Variants in PKHD1 observed in about 807,000 individuals in gnomAD.
PKHD1 encodes fibrocystin.
In PKHD1, 291 loss-of-function variants were observed where a neutral mutation model predicts 412.0. The ratio of observed to expected loss-of-function variants is 0.71; its 90% CI spans 0.64 to 0.78. PKHD1 has a LOEUF of 0.78. Ranked by LOEUF, PKHD1 falls within the 30% of genes least tolerant of loss-of-function variation. The pLI, the probability that PKHD1 is intolerant of heterozygous loss-of-function variation, is 0.00. For synonymous variants in PKHD1, 1,777 were observed against 1,821.5 expected (o/e 0.98, Z 0.62); for missense variants, 4,825 against 4,950.7 (o/e 0.97, Z 0.76).
At chr6:51,823,992 C>T (rs1020498791) in intron 52 of PKHD1, among the ~76,000 whole-genome samples, 27 of 152,122 alleles carry the variant, frequency 1.8e-4, no homozygotes, top group Admixed American at 1.8e-3. Flanking sequence ...TAGGGGTCAA[C>T]TTAAAACACT....
At chr6:51,751,302 G>T (rs77118691) in intron 57 of PKHD1, among the ~76,000 whole-genome samples, 6,195 of 152,180 alleles carry the variant, frequency 0.041, 367 homozygotes, top group African/African-American at 0.12. Context: ...TACACCTGCA[G>T]ATCCCTTCTT....
intron 37 of PKHD1, among the ~76,000 whole-genome samples, chr6:51,924,521 G>C (rs541441999): frequency 6.6e-6 from 1 of 152,170 alleles, no homozygotes; most frequent in Non-Finnish European, 1.5e-5. Context: ...GTTTTTAAAA[G>C]ATCAACTTGG....
chr6:51,701,155 CT>C (rs1393220317), intron 60 of PKHD1, among the ~76,000 whole-genome samples: 1 of 152,008 alleles, frequency 6.6e-6, no homozygotes, highest in Non-Finnish European at 1.5e-5. Context: ...AAAACATTAA[CT>C]CTGGGTTGTA....
rs991114236 is a variant in PKHD1 at position 51,906,360 on chromosome 6, G to A, written c.6683-20C>T. 15 of 1,603,384 alleles carry A rather than the reference G, an allele frequency of 9.4e-6. No homozygotes were observed. In the Admixed American group the frequency reaches 1.8e-4, roughly 20 times the overall value. On this transcript the variant is annotated intron_variant, in intron 40 of 66. Transcript: ENST00000371117. ...AAGACTCTGAATAGGAAAGAGTAAA[G>A]TAAAAATTAGATATGGCTCCTGAGA... is the stretch of plus-strand genomic sequence containing the variant.
rs1046581470 is a variant in PKHD1, at chr6:51,618,918, C to T, written c.*163G>A. ...TATGAGACATTTTTCAGTCTGTAAG[C>T]ATTTATATGACTGTTTTCCATTTTA... On this transcript the variant is annotated 3_prime_UTR_variant, in exon 67 of 67. Coordinates refer to ENST00000371117, the MANE Select transcript of PKHD1 (RefSeq NM_138694.4). 1 of 702,968 alleles carries T rather than the reference C, an allele frequency of 1.4e-6. No individual in the cohort carries two copies. The highest frequency in any genetic ancestry group is 2.5e-6 in the Non-Finnish European group (1 of 401,178). The allele number at this position is 702,968 out of a possible 1,614,324, so 43.5% of individuals were successfully genotyped here.
chr6:51,659,723 A>G lies in PKHD1; in HGVS notation c.10403T>C (p.Ile3468Thr). 3.1e-6 allele frequency: 5 copies of G among 1,613,864 alleles called. No individual in the cohort carries two copies. Among genetic ancestry groups the G allele is most frequent in the Non-Finnish European group, 4.2e-6 (5 of 1,179,868 alleles). ...TTGATCCATGAAGCAGACTTTGGTGATTTGCCTGATGGGTAAGATAGAATA... is the reference window on the plus strand; with the variant it reads ...TTGATCCATGAAGCAGACTTTGGTGGTTTGCCTGATGGGTAAGATAGAATA... ...TFYSILPIRQ[I>T]TKVCFMDQTP... Residue 3468 changes from isoleucine (I) to threonine (T), a missense_variant, in exon 61 of 67, where the codon ATC becomes ACC. Ile to Thr is a moderately conservative substitution (Grantham distance 89). Transcript: ENST00000371117.
intron 60 of PKHD1, among the ~76,000 whole-genome samples, chr6:51,684,948 A>C (rs1777215222): frequency 6.6e-6 from 1 of 152,144 alleles, no homozygotes; most frequent in Non-Finnish European, 1.5e-5. Context: ...GTTTAGAGAA[A>C]ATCACACACT....
Position 52,086,614 on chromosome 6 carries a change from A to G in PKHD1, c.-85+820T>C, listed in dbSNP as rs540221727. Among the ~76,000 whole-genome samples the G allele has an allele frequency of 3.1e-4, 47 of 152,326 alleles. No individual in the cohort carries two copies. In the South Asian group the frequency reaches 9.5e-3, roughly 31 times the overall value. ...ATTTAATTCAACACTGCAAACATTT[A>G]TTGTATGCCCACTACGTGCTAAGCA... On this transcript the variant is annotated intron_variant, in intron 1 of 66. Coordinates refer to ENST00000371117, the MANE Select transcript of PKHD1 (RefSeq NM_138694.4).
chr6:52,063,588 C>A (rs1445497528), intron 13 of PKHD1, among the ~76,000 whole-genome samples: 3 of 152,056 alleles, frequency 2.0e-5, no homozygotes, highest in Non-Finnish European at 4.4e-5. Flanking sequence ...TACTTTAAAC[C>A]AGGGTTTCTC....
At chr6:51,975,369 G>C (rs964754711) in intron 35 of PKHD1, among the ~76,000 whole-genome samples, 1 of 151,940 alleles carries the variant, frequency 6.6e-6, no homozygotes, top group African/African-American at 2.4e-5. Context: ...CAGGGAATTG[G>C]AGAAAATATT....
intron 35 of PKHD1, among the ~76,000 whole-genome samples, chr6:51,989,945 AAGAAAGGAAGGAAAGAAG>A (rs1796789464): frequency 5.4e-5 from 2 of 36,796 alleles, no homozygotes; most frequent in East Asian, 9.1e-4. Flanking sequence ...AGAAGGAAGG[AAGAAAGGAAGGAAAGAAG>A]GAAGGAAGGA....
chr6:51,726,282 G>A (rs1416200609), intron 60 of PKHD1, among the ~76,000 whole-genome samples: 1 of 152,114 alleles, frequency 6.6e-6, no homozygotes, highest in African/African-American at 2.4e-5. Context: ...GGCCAATCCT[G>A]GCCGTATTTT....
chr6:51,649,015 T>C, intron 62 of PKHD1, 70 bp downstream of exon 62: 1 of 1,451,760 alleles, frequency 6.9e-7, no homozygotes, highest in Non-Finnish European at 9.6e-7. Context: ...GATGACACAC[T>C]CTAAAAGATA....
In PKHD1 at chr6:52,083,166, A is replaced by G. The variant is rs767679183; in HGVS notation, c.130+12T>C. 4.8e-5 allele frequency: 75 copies of G among 1,568,218 alleles called. No homozygotes were observed. The South Asian group carries it at 7.0e-4, about 15-fold the overall frequency. ...ACATAAGAAATGTGCACTTGGTAAAACCCCAACCTACCATCAAAAATGACT... is the reference window on the plus strand; with the variant it reads ...ACATAAGAAATGTGCACTTGGTAAAGCCCCAACCTACCATCAAAAATGACT... On this transcript the variant is annotated intron_variant, in intron 3 of 66. Transcript: ENST00000371117.
At chr6:51,729,117 T>C (rs79367472) in intron 60 of PKHD1, among the ~76,000 whole-genome samples, 3,977 of 152,348 alleles carry the variant, frequency 0.026, 174 homozygotes, top group African/African-American at 0.088. Flanking sequence ...GAAGAGATTA[T>C]TATTCATAGC....
chr6:51,930,139 GGT>G (rs1786341658), intron 37 of PKHD1, among the ~76,000 whole-genome samples: 1 of 152,162 alleles, frequency 6.6e-6, no homozygotes, highest in Non-Finnish European at 1.5e-5. Flanking sequence ...AGTTTGGAGT[GGT>G]GAACCTGGAT....
At chr6:51,880,779 T>TAAAAAAA (rs71544105) in intron 46 of PKHD1, among the ~76,000 whole-genome samples, 9 of 30,034 alleles carry the variant, frequency 3.0e-4, no homozygotes, top group Non-Finnish European at 4.2e-4. Flanking sequence ...AAAAAAAAAT[T>TAAAAAAA]AAAAAAAAAA....
chr6:52,053,877 G>C (rs570565315), intron 20 of PKHD1, among the ~76,000 whole-genome samples, 161 bp downstream of exon 20: 2 of 152,256 alleles, frequency 1.3e-5, no homozygotes, highest in African/African-American at 2.4e-5. Context: ...AACTGCTCTG[G>C]AGTCAAACTT....
chr6:51,761,714 T>G lies in PKHD1; in HGVS notation c.8643-6776A>C, dbSNP rs544565028. Among the ~76,000 whole-genome samples, 7 of 152,114 alleles carry G rather than the reference T, an allele frequency of 4.6e-5. No individual in the cohort carries two copies. In the East Asian group the frequency reaches 1.4e-3, roughly 29 times the overall value. ...GTTGTACAGCATAAATACATAAAAT[T>G]TTTACTTGTCAATTAAAAAATAAAA... On this transcript the variant is annotated intron_variant, in intron 55 of 66. Coordinates refer to ENST00000371117, the MANE Select transcript of PKHD1 (RefSeq NM_138694.4).
Sources: allele counts gnomAD v4.1 joint callset (sites outside exome capture counted in the v4.1 genomes callset), GRCh38; gene constraint gnomAD v4.1.1; transcripts MANE v1.5; gene names NCBI Gene and HGNC (gene_info 2026-07-23, HGNC 2026-07-21).